Variants in ADGRD1 observed in about 807,000 individuals in gnomAD.
ADGRD1 encodes adhesion G protein-coupled receptor D1.
Under a neutral mutation model 113.4 loss-of-function variants are expected in ADGRD1, and 77 were observed. That is an observed-to-expected ratio of 0.68 (90% confidence interval 0.57 to 0.82). The LOEUF (loss-of-function observed/expected upper bound fraction) is 0.82, where lower values mean the gene tolerates loss of function less well. ADGRD1 is among the 40% of genes least tolerant of loss of function. The probability of loss-of-function intolerance (pLI) is 0.00; values close to 1 mark genes in which losing one functional copy is unlikely to be tolerated. For synonymous variants in ADGRD1, 474 were observed against 475.0 expected (o/e 1.00, Z 0.03); for missense variants, 1,036 against 1,139.1 (o/e 0.91, Z 1.30).
At chr12:131,122,958 C>G (rs1416849940) in intron 20 of ADGRD1, among the ~76,000 whole-genome samples, 4 of 151,932 alleles carry the variant, frequency 2.6e-5, no homozygotes, top group African/African-American at 9.7e-5. Context: ...CCCCCTACCC[C>G]ACTCCTTGTT....
intron 20 of ADGRD1, among the ~76,000 whole-genome samples, chr12:131,128,350 C>T (rs566627427): frequency 6.6e-6 from 1 of 152,156 alleles, no homozygotes; most frequent in African/African-American, 2.4e-5. Flanking sequence ...AGATCCTCTC[C>T]AGCATCTCCA....
intron 4 of ADGRD1, among the ~76,000 whole-genome samples, chr12:130,974,196 G>A (rs558756128): frequency 1.3e-5 from 2 of 152,274 alleles, no homozygotes; most frequent in Admixed American, 6.5e-5. Flanking sequence ...ACTTCTGTGT[G>A]CGGGAAAACA....
At chr12:130,957,384 TACAC>T (rs1372163560) in intron 2 of ADGRD1, 5 of 151,764 alleles carry the variant, frequency 3.3e-5, no homozygotes, top group Admixed American at 2.0e-4. Context: ...TGCACATACA[TACAC>T]ACATGCTCAC....
rs1883286764 is a variant in ADGRD1, at chr12:131,050,649, A to G, written c.1474-26152A>G. ...TAAGCGACCAGATCCACGAGAACGC[A>G]TGATCGTGGGGACAGTGCCAAGAGG... On this transcript the variant is annotated intron_variant, in intron 13 of 24. Coordinates refer to ENST00000261654, the MANE Select transcript of ADGRD1 (RefSeq NM_198827.5). This position sits in a 1 kb window ranked among gnomAD's most constrained non-coding sequence, Gnocchi z 4.8. Among the ~76,000 whole-genome samples the G allele has an allele frequency of 6.6e-6, 1 of 152,050 alleles. No individual in the cohort carries two copies. The highest frequency in any genetic ancestry group is 6.5e-5 in the Admixed American group (1 of 15,276).
chr12:130,996,873 G>C (rs1361500681), intron 8 of ADGRD1, among the ~76,000 whole-genome samples: 32 of 114,060 alleles, frequency 2.8e-4, no homozygotes, highest in East Asian at 5.6e-4. Flanking sequence ...GTGGCTGGCC[G>C]GGCAGAGGGG....
chr12:131,091,051 A>C (rs748118598), intron 15 of ADGRD1, among the ~76,000 whole-genome samples: 8 of 152,182 alleles, frequency 5.3e-5, no homozygotes, highest in Non-Finnish European at 1.2e-4. Context: ...ATCTGCATCC[A>C]GACCCACCCT....
At chr12:131,092,433 G>A (rs1224551878) in intron 15 of ADGRD1, among the ~76,000 whole-genome samples, 7 of 152,200 alleles carry the variant, frequency 4.6e-5, no homozygotes, top group African/African-American at 1.2e-4. Flanking sequence ...GAGAGCCCCC[G>A]ATATTGATAG....
At chr12:130,981,809 C>G (rs1873026102) in intron 4 of ADGRD1, 75 bp from the exon 5 acceptor site, 2 of 972,610 alleles carry the variant, frequency 2.1e-6, no homozygotes, top group Non-Finnish European at 1.6e-6. Context: ...AAATAAAAAG[C>G]AAAGAGAACC....
intron 13 of ADGRD1, among the ~76,000 whole-genome samples, chr12:131,071,673 TC>T (rs904412230): frequency 3.9e-5 from 6 of 151,992 alleles, no homozygotes; most frequent in Non-Finnish European, 7.4e-5. Context: ...CACTGGCGGG[TC>T]CTATGTGTCC....
chr12:131,060,317 G>A lies in ADGRD1; in HGVS notation c.1474-16484G>A, dbSNP rs1392341526. ...CACACTTTCTCCCGTGGTATTTGGA[G>A]TAGCTAATTACTGCCTGTCTAGGTG... On this transcript the variant is annotated intron_variant, in intron 13 of 24. Transcript: ENST00000261654. This position sits in a 1 kb window ranked among gnomAD's most constrained non-coding sequence, Gnocchi z 4.4. Among the ~76,000 whole-genome samples the A allele has an allele frequency of 6.6e-6, 1 of 152,254 alleles. No individual in the cohort carries two copies. The highest frequency in any genetic ancestry group is 3.2e-3 in the Middle Eastern group (1 of 316).
At chr12:130,955,036 C>T (rs1409530870) in intron 2 of ADGRD1, among the ~76,000 whole-genome samples, 7 of 151,222 alleles carry the variant, frequency 4.6e-5, no homozygotes, top group East Asian at 3.9e-4. Context: ...GTGCAGTGGC[C>T]GCAACCTCTG....
intron 16 of ADGRD1, among the ~76,000 whole-genome samples, chr12:131,105,183 G>A (rs150400160): frequency 3.3e-5 from 5 of 152,358 alleles, no homozygotes; most frequent in East Asian, 1.9e-4. Context: ...TCGCTCCCAC[G>A]TTCCTCAGCA....
intron 15 of ADGRD1, among the ~76,000 whole-genome samples, chr12:131,099,165 G>A (rs922656214): frequency 1.3e-4 from 20 of 152,294 alleles, no homozygotes; most frequent in Admixed American, 9.8e-4. Flanking sequence ...GGAACTTACC[G>A]TCAGAGCTCA....
intron 15 of ADGRD1, among the ~76,000 whole-genome samples, chr12:131,101,377 CTTTTTTTT>C (rs71095334): frequency 1.4e-4 from 5 of 36,148 alleles, no homozygotes; most frequent in Admixed American, 4.9e-4. Context: ...TTCTTTCTTT[CTTTTTTTT>C]TTTTTTTTTT....
chr12:131,074,344 C>T (rs2137154170), intron 13 of ADGRD1, among the ~76,000 whole-genome samples: 1 of 152,332 alleles, frequency 6.6e-6, no homozygotes, highest in African/African-American at 2.4e-5. Context: ...GAGGCCTTCA[C>T]TTCTGTCCAG....
At chr12:131,007,659 C>T (rs774220409) in intron 12 of ADGRD1, among the ~76,000 whole-genome samples, 1 of 152,248 alleles carries the variant, frequency 6.6e-6, no homozygotes, top group Non-Finnish European at 1.5e-5. Context: ...CCCCTGCAAA[C>T]CGAGGGCCTG....
intron 13 of ADGRD1, among the ~76,000 whole-genome samples, chr12:131,048,653 G>A (rs571340975): frequency 6.6e-6 from 1 of 152,374 alleles, no homozygotes; most frequent in South Asian, 2.1e-4. Context: ...ATAATAGGTT[G>A]TCGATCCAGT....
At chr12:131,014,166 C>T in intron 12 of ADGRD1, 33 bp from the exon 13 acceptor site, 1 of 1,606,712 alleles carries the variant, frequency 6.2e-7, no homozygotes, top group Non-Finnish European at 8.5e-7. Context: ...CCCTGCGTTT[C>T]CCATTTTGTA....
At chr12:130,968,822 A>G in intron 3 of ADGRD1, 2 of 604,046 alleles carry the variant, frequency 3.3e-6, no homozygotes, top group Non-Finnish European at 5.9e-6. Flanking sequence ...AGGGTGGTGG[A>G]GGCTGGGGGA....
Sources: gnomAD v4.1 joint callset for allele counts (sites outside exome capture counted in the v4.1 genomes callset) on GRCh38, gnomAD v4.1.1 for gene constraint, Gnocchi (gnomAD v3.1) non-coding constraint, MANE v1.5 for transcripts, NCBI Gene and HGNC (gene_info 2026-07-23, HGNC 2026-07-21) for gene names.